HEATR4: variants seen among roughly 807,000 people sequenced by gnomAD.
HEATR4 encodes the protein HEAT repeat-containing protein 4.
A neutral mutation model predicts 108.8 loss-of-function variants in HEATR4; 95 were observed. The observed-to-expected ratio is 0.87, with a 90% CI of 0.74 to 1.04. The LOEUF is 1.04. HEATR4 is among the 50% of genes least tolerant of loss of function. The pLI, the probability that HEATR4 is intolerant of heterozygous loss-of-function variation, is 0.00. For synonymous variants in HEATR4, 443 were observed against 459.4 expected, an observed-to-expected ratio of 0.96 and a Z score of 0.46; for missense variants, 1,152 against 1,253.8, an observed-to-expected ratio of 0.92 and a Z score of 1.23.
chr14:73,586,400 GAAAAAA>G, the HEATR4 span, among the ~76,000 whole-genome samples: 1 of 145,550 alleles, frequency 6.9e-6, no homozygotes, highest in African/African-American at 2.6e-5. Context: ...GTCTCAAAAA[GAAAAAA>G]AAAATTTTTT....
At chr14:73,530,877 G>A (rs58063051) in intron 1 of HEATR4, among the ~76,000 whole-genome samples, 961 of 86,592 alleles carry the variant, frequency 0.011, 43 homozygotes, top group South Asian at 0.023. Context: ...GGACTCAAAC[G>A]ATCCTCCCAC....
the HEATR4 span, among the ~76,000 whole-genome samples, chr14:73,610,220 T>C: frequency 0.02 from 3,037 of 151,738 alleles, 108 homozygotes; most frequent in African/African-American, 0.069. Flanking sequence ...AGTAGTCTCC[T>C]GGGCCTAATG....
the HEATR4 span, among the ~76,000 whole-genome samples, chr14:73,600,633 TAG>T: frequency 6.6e-6 from 1 of 151,836 alleles, no homozygotes; most frequent in Non-Finnish European, 1.5e-5. Flanking sequence ...TTATGTTTAG[TAG>T]AGACAGGGTT....
the HEATR4 span, chr14:73,612,608 T>C: frequency 4.9e-6 from 7 of 1,419,022 alleles, no homozygotes; most frequent in Non-Finnish European, 5.5e-6. Flanking sequence ...CGCGGGCCGC[T>C]GCTGCTGGGA....
chr14:73,517,854 C>T (rs1311327471), intron 5 of HEATR4, among the ~76,000 whole-genome samples: 4 of 151,772 alleles, frequency 2.6e-5, no homozygotes, highest in African/African-American at 4.8e-5. Context: ...TTTGGGAGGC[C>T]GAGGTGGACA....
Position 73,502,907 on chromosome 14 carries a change from T to TGCACCTCTTTCCCGAGGC in HEATR4, c.2075_2092dup (p.Val697_His698insArgLeuGlyLysGluVal), listed in dbSNP as rs753011821. On this transcript the variant is annotated inframe_insertion, in exon 11 of 18. Transcript: ENST00000553558. ...GACTGGGTCTTACCTGATTATGTCG[T>TGCACCTCTTTCCCGAGGC]GCACCTCTTTCCCGAGGCTCATTTG... 8 of 1,612,642 alleles carry TGCACCTCTTTCCCGAGGC rather than the reference T, an allele frequency of 5.0e-6. No homozygotes were observed. The Admixed American group carries it at 6.7e-5, about 13-fold the overall frequency.
At chr14:73,498,946 C>G (rs1886256795) in intron 13 of HEATR4, 125 bp downstream of exon 13, 1 of 794,666 alleles carries the variant, frequency 1.3e-6, no homozygotes, top group Non-Finnish European at 2.1e-6. Flanking sequence ...CAAGGAACTT[C>G]TGAAAAGCTA....
At chr14:73,616,616 AC>A in the HEATR4 span, 2 of 153,206 alleles carry the variant, frequency 1.3e-5, no homozygotes, top group Non-Finnish European at 2.9e-5. Flanking sequence ...AATTGCTTGA[AC>A]CCAGGGGGCA....
chr14:73,489,675 C>T (rs1011510021), intron 17 of HEATR4, among the ~76,000 whole-genome samples: 1 of 152,150 alleles, frequency 6.6e-6, no homozygotes, highest in South Asian at 2.1e-4. Context: ...ACCCGCATGC[C>T]ACCACATTGC....
intron 5 of HEATR4, among the ~76,000 whole-genome samples, chr14:73,515,128 G>A (rs1887514160): frequency 1.3e-5 from 2 of 151,804 alleles, no homozygotes; most frequent in Admixed American, 6.6e-5. Context: ...GTTTTTCATG[G>A]TGTCAAATTT....
At chr14:73,560,071 G>A (rs922484973), upstream of HEATR4, among the ~76,000 whole-genome samples, 2 of 152,094 alleles carry the variant, frequency 1.3e-5, no homozygotes, top group Non-Finnish European at 2.9e-5. Context: ...ATTTCTAATA[G>A]TATAATTTCA....
chr14:73,524,310 A>AAAAATATATAT, intron 2 of HEATR4, among the ~76,000 whole-genome samples: 216 of 54,732 alleles, frequency 3.9e-3, no homozygotes, highest in Non-Finnish European at 5.7e-3. Flanking sequence ...AAAAAAAAAA[A>AAAAATATATAT]ATATATATAT....
intron 11 of HEATR4, 31 bp downstream of exon 11, chr14:73,502,864 A>C: frequency 4.7e-6 from 7 of 1,497,322 alleles, no homozygotes; most frequent in South Asian, 1.2e-5. Context: ...AGAATTTAGA[A>C]GAGTGTCTCC....
rs184273633 is a variant in HEATR4, at chr14:73,499,109, C to T, written c.2318G>A (p.Arg773Lys). The T allele has an allele frequency of 3.5e-4, 565 of 1,614,194 alleles. 6 individuals are homozygous for T. In the East Asian group the frequency reaches 0.011, roughly 30 times the overall value. Residue 773 changes from arginine (R) to lysine (K), a missense_variant, in exon 13 of 18, where the codon AGA becomes AAA. Arg to Lys is a conservative substitution (Grantham distance 26). Transcript: ENST00000553558. The part of the protein sequence containing the change: ...VLECLLNLMQ[R>K]DPYWKIKAFA... ...GGCCTTGATTTTCCAGTAAGGATCT[C>T]TCTGCATCAGGTTCAGGAGGCATTC...
At position 73,544,197 on chromosome 14, in the gene HEATR4, C is replaced by G. The variant is rs1397419167; in HGVS notation, c.-151-13953G>C. On this transcript the variant is annotated intron_variant, in intron 1 of 17. Coordinates refer to ENST00000553558, the MANE Select transcript of HEATR4 (RefSeq NM_001220484.1). ...TAGTCCCAGCTACTCAGGAGGCTGA[C>G]GCAGGAGAATTGCTTGAACCCGGGA... Among the ~76,000 whole-genome samples, 2 of 114,432 alleles carry G rather than the reference C, an allele frequency of 1.7e-5. 1 individual carries two copies. The highest frequency in any genetic ancestry group is 3.8e-5 in the Non-Finnish European group (2 of 52,394). 75.1% of individuals were successfully genotyped at this position (114,432 alleles called of 152,430 possible). A position where few individuals can be genotyped will look rare whatever the true frequency, so the allele number is the denominator to read the frequency against.
intron 4 of HEATR4, chr14:73,520,104 TTAGAG>T (rs1887886044): frequency 6.6e-6 from 1 of 152,224 alleles, no homozygotes; most frequent in Non-Finnish European, 1.5e-5. Context: ...TCATGAATAC[TTAGAG>T]TAATTTTGTT....
the HEATR4 span, among the ~76,000 whole-genome samples, chr14:73,579,573 CAAAAAAA>C: frequency 5.3e-5 from 3 of 56,216 alleles, no homozygotes; most frequent in East Asian, 5.7e-4. Flanking sequence ...AAAGCCGTCT[CAAAAAAA>C]AAAAAAAAAA....
chr14:73,495,412 A>G, intron 15 of HEATR4, 25 bp from the exon 16 acceptor site: 1 of 1,598,106 alleles, frequency 6.3e-7, no homozygotes, highest in Non-Finnish European at 8.6e-7. Flanking sequence ...ATAATGTTTG[A>G]AAAACAAAAC....
intron 15 of HEATR4, among the ~76,000 whole-genome samples, chr14:73,496,396 G>A (rs1886108011): frequency 6.6e-6 from 1 of 152,144 alleles, no homozygotes; most frequent in African/African-American, 2.4e-5. Context: ...TTTTTGTTTT[G>A]TTTTTGTCTT....
Sources: allele counts gnomAD v4.1 joint callset (sites outside exome capture counted in the v4.1 genomes callset), GRCh38; gene constraint gnomAD v4.1.1; transcripts MANE v1.5; gene names NCBI Gene and HGNC (gene_info 2026-07-23, HGNC 2026-07-21).